The following BRD1 variants were observed in gnomAD, a reference collection of about 807,000 sequenced individuals.
BRD1 encodes bromodomain-containing protein 1.
A neutral mutation model predicts 107.7 loss-of-function variants in BRD1; 24 were observed. That is an observed-to-expected ratio of 0.22 (90% CI 0.16 to 0.31). The LOEUF (loss-of-function observed/expected upper bound fraction) is 0.31. Among genes scored for constraint, BRD1 ranks in the 10% least tolerant of loss-of-function variants. The pLI, the probability that BRD1 is intolerant of heterozygous loss-of-function variation, is 1.00. For synonymous variants in BRD1, 744 were observed against 686.1 expected, an observed-to-expected ratio of 1.08 and a Z score of -1.32; for missense variants, 1,279 against 1,638.6, an observed-to-expected ratio of 0.78 and a Z score of 3.79.
At chr22:49,805,741 CT>C (rs765174509) in intron 2 of BRD1, 10,348 of 134,244 alleles carry the variant, frequency 0.077, 639 homozygotes, top group African/African-American at 0.21. Flanking sequence ...TTCAGTGAGT[CT>C]TTTTTTTTTT....
chr22:49,822,280 C>T (rs1230022701), intron 2 of BRD1, among the ~76,000 whole-genome samples: 1 of 152,106 alleles, frequency 6.6e-6, no homozygotes, highest in Non-Finnish European at 1.5e-5. Flanking sequence ...ACAAAATTAG[C>T]TGGGCATGGG....
At chr22:49,775,486 C>T (rs1048238683) in intron 12 of BRD1, 105 bp downstream of exon 12, 4 of 1,120,360 alleles carry the variant, frequency 3.6e-6, no homozygotes, top group Non-Finnish European at 4.6e-6. Flanking sequence ...TGTGCCAGGG[C>T]CCAGCAGACA....
At position 49,824,244 on chromosome 22, in the gene BRD1, G is replaced by T. The variant is rs2060121600; in HGVS notation, c.74C>A (p.Ser25Tyr). 1.2e-6 allele frequency: 2 copies of T among 1,614,010 alleles called. No homozygotes were observed. Among genetic ancestry groups the T allele is most frequent in the Non-Finnish European group, 1.7e-6 (2 of 1,180,032 alleles). Residue 25 changes from serine (S) to tyrosine (Y), a missense_variant, in exon 2 of 13, where the codon TCC (serine) becomes TAC (tyrosine). This residue lies in a region of BRD1 where 223 missense variants were observed against 263.5 expected (regional missense o/e 0.85). Coordinates refer to ENST00000404760, the MANE Select transcript of BRD1 (RefSeq NM_001304808.3). The surrounding 1 kb of genome is among the most constrained non-coding windows in gnomAD (Gnocchi z 5.9). ...GTAGGTCAGCGTTTCTCGCGTAGGGGAGTGTTTAACACTGCATGGGGAAGA... is the reference window on the plus strand; with the variant it reads ...GTAGGTCAGCGTTTCTCGCGTAGGGTAGTGTTTAACACTGCATGGGGAAGA... ...HPSSPCSVKH[S>Y]PTRETLTYAQ...
At position 49,823,676 on chromosome 22, in the gene BRD1, G is replaced by A. The variant is rs773360620; in HGVS notation, c.642C>T (p.Asp214=). 7.4e-6 allele frequency: 12 copies of A among 1,613,218 alleles called. No individual in the cohort carries two copies. Among genetic ancestry groups the A allele is most frequent in the Admixed American group, 3.3e-5 (2 of 59,946 alleles). Residue 214 remains aspartate, a synonymous_variant, in exon 2 of 13, where the codon GAC becomes GAT. Transcript: ENST00000404760. ...CGTCCATGCAGATGCAGCACACGGC[G>A]TCCTCGTCGATCAGAGACTGCTGCT... ...QGEQQSLIDE[D]AVCCICMDGE... is the part of the protein sequence containing the mutation.
intron 7 of BRD1, among the ~76,000 whole-genome samples, chr22:49,789,324 A>G (rs1166296518): frequency 1.3e-5 from 2 of 152,194 alleles, no homozygotes; most frequent in Non-Finnish European, 2.9e-5. Flanking sequence ...GAACTGGGCA[A>G]TGCGGAGAAG....
intron 2 of BRD1, among the ~76,000 whole-genome samples, chr22:49,812,902 C>T (rs1265715029): frequency 2.0e-5 from 3 of 152,202 alleles, no homozygotes; most frequent in African/African-American, 7.2e-5. Flanking sequence ...GGACCTCACA[C>T]GCCAGGACCA....
chr22:49,794,289 T>A lies in BRD1; in HGVS notation c.2104A>T (p.Arg702Trp), dbSNP rs1473852002. ...RRPFSWEDVD[R>W]LLDPANRAHL... is the part of the protein sequence containing the mutation. ...GCTCTGTTGGCGGGGTCCAGCAACC[T>A]GTCCACTGAACCAAAGGACACATGC... is the stretch of plus-strand genomic sequence containing the variant. Residue 702 changes from arginine to tryptophan, a missense_variant, in exon 7 of 13, where the codon AGG becomes TGG. Physicochemically the swap from Arg to Trp is moderately radical, Grantham distance 101 (BLOSUM62 -3). Around this residue, in one of 7 missense-constraint regions of BRD1, gnomAD observed 406 missense variants for 519.4 expected, o/e 0.78. Transcript: ENST00000404760. The A allele has an allele frequency of 1.2e-6, 2 of 1,609,228 alleles. No homozygotes were observed. The highest frequency in any genetic ancestry group is 1.7e-6 in the Non-Finnish European group (2 of 1,177,008).
At chr22:49,798,780 T>C (rs1311758732) in intron 4 of BRD1, 94 bp from the exon 5 acceptor site, 11 of 1,457,048 alleles carry the variant, frequency 7.5e-6, no homozygotes, top group African/African-American at 2.8e-5. Context: ...CCCCACAGGC[T>C]CCTGTGCTTC....
chr22:49,793,960 G>A, intron 7 of BRD1, 74 bp downstream of exon 7: 8 of 1,539,198 alleles, frequency 5.2e-6, no homozygotes, highest in South Asian at 3.7e-5. Flanking sequence ...CCCGTGTCTG[G>A]GTCTGTGCCT....
intron 3 of BRD1, 124 bp from the exon 4 acceptor site, chr22:49,799,243 G>GTGGTCTGTTGTCCTCCCC: frequency 7.8e-7 from 1 of 1,287,080 alleles, no homozygotes; most frequent in Non-Finnish European, 1.1e-6. Context: ...CCATCCTGGG[G>GTGGTCTGTTGTCCTCCCC]AGGACAACAG....
rs138788179 is a variant in BRD1, at chr22:49,803,083, C to A, written c.1524+1121G>T. Among the ~76,000 whole-genome samples the A allele has an allele frequency of 9.4e-3, 1,425 of 152,334 alleles. 14 individuals are homozygous for A. Among genetic ancestry groups the A allele is most frequent in the South Asian group, 0.064 (307 of 4,828 alleles). Reference sequence around the variant, plus strand: ...ACCAAGGCCGTCAGAAAACTTTGGACCCCACCACACCAAATCAGACCCACA... The same window carrying A: ...ACCAAGGCCGTCAGAAAACTTTGGAACCCACCACACCAAATCAGACCCACA... On this transcript the variant is annotated intron_variant, in intron 3 of 12. Coordinates refer to ENST00000404760, the MANE Select transcript of BRD1 (RefSeq NM_001304808.3). The surrounding 1 kb of genome is among the most constrained non-coding windows in gnomAD (Gnocchi z 4.4).
intron 2 of BRD1, among the ~76,000 whole-genome samples, chr22:49,810,612 C>G (rs2059831643): frequency 6.6e-6 from 1 of 152,188 alleles, no homozygotes; most frequent in Non-Finnish European, 1.5e-5. Flanking sequence ...GAACAGAGAA[C>G]TCTTATGACA....
chr22:49,802,917 T>C (rs2147189717), intron 3 of BRD1, among the ~76,000 whole-genome samples: 1 of 152,350 alleles, frequency 6.6e-6, no homozygotes, highest in Non-Finnish European at 1.5e-5. Flanking sequence ...GCCTCAACTC[T>C]GTGGACACGT....
intron 8 of BRD1, among the ~76,000 whole-genome samples, chr22:49,785,346 C>G (rs888239067): frequency 3.3e-4 from 50 of 152,240 alleles, no homozygotes; most frequent in African/African-American, 1.1e-3. Context: ...AGGGCCTCCA[C>G]GCACGCAGCC....
At chr22:49,781,054 AAAAGAGGCGGCGGCTGCCAGG>A (rs1281149438) in intron 8 of BRD1, among the ~76,000 whole-genome samples, 1 of 152,184 alleles carries the variant, frequency 6.6e-6, no homozygotes, top group Middle Eastern at 3.2e-3. Flanking sequence ...GAAATACGTT[AAAAGAGGCGGCGGCTGCCAGG>A]AAAGAGCCGC....
chr22:49,780,168 C>G (rs1022079881), intron 8 of BRD1, among the ~76,000 whole-genome samples: 2 of 152,196 alleles, frequency 1.3e-5, no homozygotes, highest in Non-Finnish European at 2.9e-5. Flanking sequence ...TCACCCGCAG[C>G]TGTGCCAGCA....
intron 2 of BRD1, chr22:49,820,797 C>T (rs1232314956): frequency 6.6e-6 from 1 of 152,276 alleles, no homozygotes; most frequent in African/African-American, 2.4e-5. Context: ...TATTGAGAGC[C>T]TGCCCCTCAC....
chr22:49,798,144 T>C (rs1273490196), intron 5 of BRD1, 27 bp from the exon 6 acceptor site: 10 of 1,567,532 alleles, frequency 6.4e-6, no homozygotes, highest in African/African-American at 2.7e-5. Context: ...AAAAGAATCA[T>C]TTACAAACTA....
At chr22:49,798,523 A>C in intron 5 of BRD1, 35 bp downstream of exon 5, 1 of 1,614,060 alleles carries the variant, frequency 6.2e-7, no homozygotes, top group South Asian at 1.1e-5. Context: ...ACAGTCACAC[A>C]TGCGGCAGGA....
Sources: gnomAD v4.1 joint callset for allele counts (sites outside exome capture counted in the v4.1 genomes callset) on GRCh38, gnomAD v4.1.1 for gene constraint, gnomAD v4.1.1 regional missense constraint, Gnocchi (gnomAD v3.1) non-coding constraint, MANE v1.5 for transcripts, NCBI Gene and HGNC (gene_info 2026-07-23, HGNC 2026-07-21) for gene names.